The following RABGAP1 variants were observed in gnomAD, a reference collection of about 807,000 sequenced individuals.
The protein encoded by RABGAP1 is rab GTPase-activating protein 1.
RABGAP1 carries 23 observed loss-of-function variants against 137.6 expected under a neutral mutation model. The observed-to-expected ratio is 0.17, with a 90% CI of 0.12 to 0.24. RABGAP1 has a LOEUF of 0.24. RABGAP1 is among the 10% of genes least tolerant of loss of function. RABGAP1 has a pLI of 1.00. For synonymous variants in RABGAP1, 451 were observed against 450.7 expected, an observed-to-expected ratio of 1.00 and a Z score of -0.01; for missense variants, 906 against 1,275.8, an observed-to-expected ratio of 0.71 and a Z score of 4.42.
intron 2 of RABGAP1, among the ~76,000 whole-genome samples, chr9:122,962,261 C>T (rs1318398743): frequency 6.6e-6 from 1 of 151,778 alleles, no homozygotes; most frequent in Non-Finnish European, 1.5e-5. Flanking sequence ...GTAATCCCAG[C>T]ACTTTGGGAG....
chr9:123,043,473 AAGAT>A (rs1469107327), intron 13 of RABGAP1, among the ~76,000 whole-genome samples: 7 of 152,200 alleles, frequency 4.6e-5, no homozygotes, highest in African/African-American at 9.7e-5. Flanking sequence ...GGAAAAGAAA[AAGAT>A]AGGCAATTAA....
At chr9:123,089,987 A>G in intron 20 of RABGAP1, 137 bp downstream of exon 20, 1 of 817,702 alleles carries the variant, frequency 1.2e-6, no homozygotes, top group Non-Finnish European at 1.9e-6. Flanking sequence ...CAAATTAGCA[A>G]GCAAGATCTG....
intron 12 of RABGAP1, among the ~76,000 whole-genome samples, 199 bp from the exon 13 acceptor site, chr9:123,020,110 G>A (rs2031525699): frequency 6.7e-6 from 1 of 150,188 alleles, no homozygotes; most frequent in Non-Finnish European, 1.5e-5. Flanking sequence ...CAGAATCTAT[G>A]TGGATTTTTA....
intron 9 of RABGAP1, 21 bp downstream of exon 9, chr9:122,997,382 C>G: frequency 6.5e-7 from 1 of 1,533,444 alleles, no homozygotes; most frequent in Non-Finnish European, 8.9e-7. Flanking sequence ...TTGTTGACAT[C>G]ATGAACAGAA....
chr9:123,061,672 C>T (rs1379110089), intron 13 of RABGAP1, among the ~76,000 whole-genome samples: 3 of 152,122 alleles, frequency 2.0e-5, no homozygotes, highest in Non-Finnish European at 4.4e-5. Flanking sequence ...AAACACAAAA[C>T]CAGTTGATCA....
chr9:122,950,377 C>CTTTTTTTTTTTTTTTTTTTTTTTTTGT, intron 1 of RABGAP1, among the ~76,000 whole-genome samples: 1 of 74,492 alleles, frequency 1.3e-5, no homozygotes, highest in Non-Finnish European at 2.4e-5. Flanking sequence ...CTTTTTCTTT[C>CTTTTTTTTTTTTTTTTTTTTTTTTTGT]TTTTTTTTTT....
intron 12 of RABGAP1, among the ~76,000 whole-genome samples, chr9:123,018,063 G>C (rs1008774349): frequency 6.6e-6 from 1 of 152,046 alleles, no homozygotes; most frequent in Admixed American, 6.6e-5. Flanking sequence ...GCGCGATCTC[G>C]GCTCACTGCA....
Position 123,070,487 on chromosome 9 carries a change from G to C in RABGAP1, c.1983+63G>C. The C allele has an allele frequency of 2.5e-6, 4 of 1,610,260 alleles. No homozygotes were observed. Among genetic ancestry groups the C allele is most frequent in the Non-Finnish European group, 3.4e-6 (4 of 1,178,466 alleles). On this transcript the variant is annotated intron_variant, in intron 15 of 25. Coordinates refer to ENST00000373647, the MANE Select transcript of RABGAP1 (RefSeq NM_012197.4). This position sits in a 1 kb window ranked among gnomAD's most constrained non-coding sequence, Gnocchi z 4.4. ...CCTCCCTCAGCTTATACTAACCTTAGGCTTGAGCATGGTTTTATATTGGGT... is the reference window on the plus strand; with the variant it reads ...CCTCCCTCAGCTTATACTAACCTTACGCTTGAGCATGGTTTTATATTGGGT...
intron 21 of RABGAP1, 79 bp downstream of exon 21, chr9:123,090,464 G>T: frequency 2.5e-6 from 3 of 1,216,098 alleles, no homozygotes; most frequent in Non-Finnish European, 2.3e-6. Context: ...TGGAATTTTA[G>T]TGATTGTTAT....
Position 122,984,511 on chromosome 9 carries a change from G to T in RABGAP1, c.177G>T (p.Gln59His). 1 of 1,614,116 alleles carries T rather than the reference G, an allele frequency of 6.2e-7. No individual in the cohort carries two copies. The highest frequency in any genetic ancestry group is 8.5e-7 in the Non-Finnish European group (1 of 1,179,994). The part of the protein sequence containing the change: ...LKIVGNGSEQ[Q>H]LQKELADVLM... ...TTGTAGGGAATGGAAGTGAACAGCA[G>T]CTGCAAAAAGAGCTAGCAGATGTAC... is the stretch of plus-strand genomic sequence containing the variant. Residue 59 changes from glutamine to histidine, a missense_variant, in exon 3 of 26, where the codon CAG becomes CAT. Physicochemically the swap from Gln to His is conservative, Grantham distance 24. Around this residue, in one of 9 missense-constraint regions of RABGAP1, gnomAD observed 331 missense variants for 358.3 expected, o/e 0.92. Transcript: ENST00000373647.
intron 2 of RABGAP1, among the ~76,000 whole-genome samples, chr9:122,974,441 T>A (rs1020871901): frequency 8.9e-5 from 7 of 78,462 alleles, no homozygotes; most frequent in Non-Finnish European, 1.9e-4. Flanking sequence ...TTTTTTTTTT[T>A]AGTTATAATA....
intron 1 of RABGAP1, among the ~76,000 whole-genome samples, chr9:122,956,408 C>A (rs960710431): frequency 6.6e-6 from 1 of 152,062 alleles, no homozygotes; most frequent in Non-Finnish European, 1.5e-5. Flanking sequence ...AAAAATTAGA[C>A]GGTAGGCCGA....
At chr9:123,013,939 T>C (rs979885116) in intron 11 of RABGAP1, among the ~76,000 whole-genome samples, 8 of 152,210 alleles carry the variant, frequency 5.3e-5, no homozygotes, top group African/African-American at 1.9e-4. Flanking sequence ...TAAAGATCCA[T>C]GGAAACAAGT....
In RABGAP1 at chr9:123,097,779, G is replaced by C; in HGVS notation, c.2667G>C (p.Leu889=). ...CAGATGCTCTGAATAAGGAGCTGCT[G>C]ATGACCAAACAGAAGTTGATTGATG... ...EKADALNKEL[L]MTKQKLIDAE... The change falls in exon 22 of 26, where the codon CTG becomes CTC. Residue 889 remains leucine (L), a synonymous_variant. Coordinates refer to ENST00000373647, the MANE Select transcript of RABGAP1 (RefSeq NM_012197.4). The C allele has an allele frequency of 6.2e-7, 1 of 1,613,974 alleles. No homozygotes were observed. Among genetic ancestry groups the C allele is most frequent in the Non-Finnish European group, 8.5e-7 (1 of 1,179,948 alleles).
At chr9:122,934,190 G>A in the RABGAP1 span, among the ~76,000 whole-genome samples, 2 of 150,670 alleles carry the variant, frequency 1.3e-5, no homozygotes, top group East Asian at 2.0e-4. Context: ...CCATTCTCCT[G>A]CCTCAGCCTC....
chr9:122,951,961 A>G (rs1435940315), intron 1 of RABGAP1, among the ~76,000 whole-genome samples: 5 of 152,238 alleles, frequency 3.3e-5, no homozygotes, highest in Non-Finnish European at 4.4e-5. Context: ...GGCACAGAGC[A>G]GTGACTGTAG....
chr9:122,933,441 A>C, the RABGAP1 span, among the ~76,000 whole-genome samples: 1 of 110,312 alleles, frequency 9.1e-6, no homozygotes, highest in African/African-American at 7.3e-5. Context: ...TTTTCATTAA[A>C]TTATTATTAT....
At chr9:122,989,189 A>C in intron 4 of RABGAP1, 108 bp from the exon 5 acceptor site, 1 of 1,058,018 alleles carries the variant, frequency 9.5e-7, no homozygotes, top group Non-Finnish European at 1.4e-6. Flanking sequence ...TCAGCATACC[A>C]AATATATGAT....
intron 2 of RABGAP1, among the ~76,000 whole-genome samples, chr9:122,970,754 A>G (rs192530461): frequency 1.6e-4 from 25 of 152,326 alleles, no homozygotes; most frequent in African/African-American, 6.0e-4. Flanking sequence ...GTCTTGTTGA[A>G]AGGTCATTTG....
Sources: gnomAD v4.1 joint callset for allele counts (sites outside exome capture counted in the v4.1 genomes callset) on GRCh38, gnomAD v4.1.1 for gene constraint, gnomAD v4.1.1 regional missense constraint, Gnocchi (gnomAD v3.1) non-coding constraint, MANE v1.5 for transcripts, NCBI Gene and HGNC (gene_info 2026-07-23, HGNC 2026-07-21) for gene names.